The following MED12L variants were observed in gnomAD, a reference collection of about 807,000 sequenced individuals.
The protein encoded by MED12L is mediator of RNA polymerase II transcription subunit 12-like protein.
In MED12L, 60 loss-of-function variants were observed where a neutral mutation model predicts 281.3. The ratio of observed to expected loss-of-function variants is 0.21; its 90% CI spans 0.17 to 0.26. MED12L has a LOEUF of 0.26. MED12L is among the 10% of genes least tolerant of loss of function. The probability of loss-of-function intolerance (pLI) is 1.00; values close to 1 mark genes in which losing one functional copy is unlikely to be tolerated. For missense variants in MED12L, 2,146 were observed against 2,680.9 expected (o/e 0.80, Z 4.41); for synonymous variants, 974 against 987.2 (o/e 0.99, Z 0.25).
intron 19 of MED12L, among the ~76,000 whole-genome samples, chr3:151,356,304 C>T (rs555235334): frequency 6.6e-6 from 1 of 152,104 alleles, no homozygotes; most frequent in Non-Finnish European, 1.5e-5. Context: ...AGGCAGGAGA[C>T]TCACTTAAGC....
At chr3:151,130,612 C>T (rs1037216614) in intron 5 of MED12L, among the ~76,000 whole-genome samples, 5 of 152,200 alleles carry the variant, frequency 3.3e-5, no homozygotes, top group African/African-American at 4.8e-5. Flanking sequence ...AACTCAGCGA[C>T]GCCAGCGACC....
Position 151,432,868 on chromosome 3 carries a change from T to A in MED12L, c.*64T>A. On this transcript the variant is annotated 3_prime_UTR_variant, in exon 45 of 45. Coordinates refer to ENST00000687756, the MANE Select transcript of MED12L (RefSeq NM_001393769.1). ...CTGAAAAACAGAAAATCAAATTTAATGCATTAGTCATCTTAAAAATGTCCC... is the reference window on the plus strand; with the variant it reads ...CTGAAAAACAGAAAATCAAATTTAAAGCATTAGTCATCTTAAAAATGTCCC... The A allele has an allele frequency of 1.6e-6, 2 of 1,242,034 alleles. No individual in the cohort carries two copies. Among genetic ancestry groups the A allele is most frequent in the Non-Finnish European group, 1.2e-6 (1 of 866,028 alleles). 76.9% of individuals were successfully genotyped at this position (1,242,034 alleles called of 1,614,324 possible). A position where few individuals can be genotyped will look rare whatever the true frequency, so the allele number is the denominator to read the frequency against.
rs1299120151 is a variant in MED12L at position 151,380,296 on chromosome 3, C to T, written c.4590+72C>T. 12 of 1,065,542 alleles carry T rather than the reference C, an allele frequency of 1.1e-5. No homozygotes were observed. The East Asian group carries it at 3.1e-4, about 28-fold the overall frequency. The allele number at this position is 1,065,542 out of a possible 1,614,324, so 66.0% of individuals were successfully genotyped here. On this transcript the variant is annotated intron_variant, in intron 32 of 44. Coordinates refer to ENST00000687756, the MANE Select transcript of MED12L (RefSeq NM_001393769.1). ...CATTCATTTATTTGCCTTTCAAATA[C>T]TGAGATTAAATTAATAAGGGCCAGG...
chr3:151,180,908 A>G (rs1722622746), intron 11 of MED12L, among the ~76,000 whole-genome samples: 1 of 152,186 alleles, frequency 6.6e-6, no homozygotes, highest in African/African-American at 2.4e-5. Flanking sequence ...GTAAGCAACT[A>G]CCCTATTCTT....
chr3:151,366,097 TATAAA>T (rs1755236989), intron 23 of MED12L, 106 bp downstream of exon 23: 5 of 990,292 alleles, frequency 5.0e-6, no homozygotes, highest in Non-Finnish European at 7.0e-6. Flanking sequence ...ACTGAAATGT[TATAAA>T]ATATTTTTTC....
chr3:151,115,830 A>C (rs552340034), intron 2 of MED12L, among the ~76,000 whole-genome samples: 63 of 151,834 alleles, frequency 4.1e-4, no homozygotes, highest in Admixed American at 3.5e-3. Flanking sequence ...GGCTGAGGCC[A>C]GAGGATCACT....
At chr3:151,213,132 G>T in intron 16 of MED12L, 3 of 537,600 alleles carry the variant, frequency 5.6e-6, no homozygotes, top group Non-Finnish European at 9.6e-6. Flanking sequence ...TGTTTTCTTT[G>T]ATGTTACAAA....
At chr3:151,282,521 C>T (rs1174038276) in intron 16 of MED12L, among the ~76,000 whole-genome samples, 4 of 152,038 alleles carry the variant, frequency 2.6e-5, no homozygotes, top group Non-Finnish European at 5.9e-5. Context: ...CCGGTGTAAA[C>T]ATTTTATGAA....
At position 151,242,113 on chromosome 3, in the gene MED12L, G is replaced by A. The variant is rs987098994; in HGVS notation, c.2250+48447G>A. ...CGAGATTATATCCCGCACCTGGCTC[G>A]GAGGGTCCTACGCCCATGGAGTCTC... On this transcript the variant is annotated intron_variant, in intron 16 of 44. Transcript: ENST00000687756. 6.6e-5 allele frequency among the ~76,000 whole-genome samples: 10 copies of A among 152,272 alleles called. No homozygotes were observed. In the East Asian group the frequency reaches 7.7e-4, roughly 12 times the overall value.
intron 16 of MED12L, among the ~76,000 whole-genome samples, chr3:151,225,104 G>C (rs1306503278): frequency 6.6e-6 from 1 of 152,034 alleles, no homozygotes; most frequent in Non-Finnish European, 1.5e-5. Flanking sequence ...CTGCCTATTG[G>C]GCTTGCCTTT....
chr3:151,307,316 T>C (rs80275683), intron 16 of MED12L, among the ~76,000 whole-genome samples: 1 of 152,168 alleles, frequency 6.6e-6, no homozygotes, highest in Non-Finnish European at 1.5e-5. Flanking sequence ...TGGAATTAGG[T>C]CACTGTATTC....
intron 5 of MED12L, among the ~76,000 whole-genome samples, chr3:151,150,736 T>C (rs1299019376): frequency 1.3e-5 from 2 of 152,262 alleles, no homozygotes; most frequent in Admixed American, 1.3e-4. Context: ...TCTGGATCAC[T>C]TGTGGCAGCT....
chr3:151,193,961 T>C (rs1200647105), intron 16 of MED12L, among the ~76,000 whole-genome samples: 1 of 119,766 alleles, frequency 8.3e-6, no homozygotes, highest in Non-Finnish European at 1.9e-5. Context: ...GTTTTTTTTC[T>C]TTTCTTTTTT....
rs573717275 is a variant in MED12L at position 151,410,708 on chromosome 3, AACAGTT to A, written c.5911-567_5911-562del. On this transcript the variant is annotated intron_variant, in intron 40 of 44. Coordinates refer to ENST00000687756, the MANE Select transcript of MED12L (RefSeq NM_001393769.1). ...GTCCAGCCCGTACTAGAGGATAATG[AACAGTT>A]ACCAATTGCACCATTCCTGGCTAAG... 3.0e-4 allele frequency among the ~76,000 whole-genome samples: 46 copies of A among 152,338 alleles called. No individual in the cohort carries two copies. In the East Asian group the frequency reaches 6.4e-3, roughly 21 times the overall value.
At chr3:151,097,276 G>A (rs1720834915) in intron 2 of MED12L, among the ~76,000 whole-genome samples, 1 of 152,178 alleles carries the variant, frequency 6.6e-6, no homozygotes, top group Non-Finnish European at 1.5e-5. Flanking sequence ...ATCTTTCTTA[G>A]TTGTACAATG....
At chr3:151,382,550 T>G in intron 32 of MED12L, 106 bp from the exon 33 acceptor site, 1 of 605,992 alleles carries the variant, frequency 1.7e-6, no homozygotes, top group Non-Finnish European at 2.7e-6. Context: ...TGTTTGTTAA[T>G]TTGTTAAAGA....
intron 12 of MED12L, 83 bp from the exon 13 acceptor site, chr3:151,188,271 A>G: frequency 1.8e-6 from 2 of 1,104,208 alleles, no homozygotes; most frequent in Middle Eastern, 4.2e-4. Context: ...GAGCACTTAA[A>G]TGCCAATAAA....
At position 151,159,869 on chromosome 3, in the gene MED12L, G is replaced by A. The variant is rs367580556; in HGVS notation, c.875G>A (p.Arg292His). ...TTTGTTCAGTCGGCCTACCTGTCTC[G>A]TCGTCTTGCCTACTTTTGTGCCCGG... Reference protein sequence around the residue: ...DEFVQSAYLSRRLAYFCARRL... With the variant: ...DEFVQSAYLSHRLAYFCARRL... The change falls in exon 8 of 45, where the codon CGT (arginine) becomes CAT (histidine). Residue 292 changes from arginine (R) to histidine (H), a missense_variant. Transcript: ENST00000687756. 9 of 1,613,974 alleles carry A rather than the reference G, an allele frequency of 5.6e-6. No homozygotes were observed. Among genetic ancestry groups the A allele is most frequent in the South Asian group, 1.1e-5 (1 of 91,084 alleles).
chr3:151,380,597 C>CAAAAAA (rs56792030), intron 32 of MED12L, among the ~76,000 whole-genome samples: 1 of 113,310 alleles, frequency 8.8e-6, no homozygotes, highest in Non-Finnish European at 1.9e-5. Flanking sequence ...AACTCTGTCT[C>CAAAAAA]AAAAAAAAAA....
Sources: gnomAD v4.1 joint callset for allele counts (sites outside exome capture counted in the v4.1 genomes callset) on GRCh38, gnomAD v4.1.1 for gene constraint, MANE v1.5 for transcripts, NCBI Gene and HGNC (gene_info 2026-07-23, HGNC 2026-07-21) for gene names.